The following ACYP2 variants were observed in gnomAD, a reference collection of about 807,000 sequenced individuals.
The protein encoded by ACYP2 is acylphosphatase-2.
ACYP2 carries 12 observed loss-of-function variants against 11.2 expected under a neutral mutation model. The ratio of observed to expected loss-of-function variants is 1.08; its 90% CI spans 0.69 to 1.74. ACYP2 has a LOEUF of 1.74. Ranked by LOEUF, ACYP2 falls within the 40% of genes most tolerant of loss-of-function variation. The pLI is 0.00. For missense variants in ACYP2, 134 were observed against 101.9 expected (o/e 1.31, Z -1.35); for synonymous variants, 43 against 32.2 (o/e 1.33, Z -1.13).
chr2:54,110,186 C>G (rs1679385498), intron 4 of ACYP2, among the ~76,000 whole-genome samples: 1 of 152,226 alleles, frequency 6.6e-6, no homozygotes, highest in Non-Finnish European at 1.5e-5. Flanking sequence ...GAATCCCCAT[C>G]TACCCAAGAC....
At chr2:54,271,449 A>T (rs2104081954) in intron 6 of ACYP2, among the ~76,000 whole-genome samples, 1 of 152,226 alleles carries the variant, frequency 6.6e-6, no homozygotes, top group South Asian at 2.1e-4. Context: ...ATATCCAACC[A>T]GTGACTCATG....
At chr2:53,991,889 G>T (rs373832071) in intron 2 of ACYP2, among the ~76,000 whole-genome samples, 68 of 152,070 alleles carry the variant, frequency 4.5e-4, no homozygotes, top group African/African-American at 1.6e-3. Context: ...GCAGACTCGA[G>T]CTCTTGGCCT....
At chr2:54,043,447 C>G (rs1026336197) in intron 2 of ACYP2, among the ~76,000 whole-genome samples, 1 of 152,156 alleles carries the variant, frequency 6.6e-6, no homozygotes, top group Non-Finnish European at 1.5e-5. Context: ...GGAACAGTTC[C>G]ATAGAACAAA....
intron 2 of ACYP2, among the ~76,000 whole-genome samples, chr2:54,047,429 G>T (rs999911277): frequency 1.3e-5 from 2 of 152,188 alleles, no homozygotes; most frequent in Non-Finnish European, 2.9e-5. Context: ...CTTCTGCTGC[G>T]TGGCCCTGTC....
At chr2:54,128,446 T>A (rs1379510961) in intron 4 of ACYP2, among the ~76,000 whole-genome samples, 2 of 152,130 alleles carry the variant, frequency 1.3e-5, no homozygotes, top group African/African-American at 4.8e-5. Flanking sequence ...GGCAGTTGGA[T>A]TGAGTGAAGC....
chr2:54,014,277 G>A (rs866452304), intron 2 of ACYP2, among the ~76,000 whole-genome samples: 2 of 152,054 alleles, frequency 1.3e-5, no homozygotes, highest in South Asian at 4.1e-4. Context: ...TGAAGATGAG[G>A]GTGGGGCTAG....
intron 4 of ACYP2, among the ~76,000 whole-genome samples, chr2:54,119,094 CATT>C (rs1319186459): frequency 1.0e-5 from 1 of 95,310 alleles, no homozygotes; most frequent in Non-Finnish European, 1.9e-5. Context: ...AACAGGGTCT[CATT>C]ATGTCACCCG....
chr2:54,159,397 A>G (rs868675914), intron 6 of ACYP2, among the ~76,000 whole-genome samples: 4 of 148,334 alleles, frequency 2.7e-5, no homozygotes, highest in Non-Finnish European at 4.5e-5. Flanking sequence ...TTAATGAGAC[A>G]GGGTCTGACT....
chr2:54,162,901 T>C (rs1682785399), intron 6 of ACYP2, among the ~76,000 whole-genome samples: 1 of 152,258 alleles, frequency 6.6e-6, no homozygotes, highest in South Asian at 2.1e-4. Flanking sequence ...GGTGGGAGGA[T>C]TGCTTGAGCC....
At chr2:54,151,958 A>G (rs1479246731) in intron 6 of ACYP2, among the ~76,000 whole-genome samples, 1 of 152,100 alleles carries the variant, frequency 6.6e-6, no homozygotes, top group Admixed American at 6.6e-5. Context: ...TGGAAACTAC[A>G]GAGAGTTTCC....
intron 6 of ACYP2, among the ~76,000 whole-genome samples, chr2:54,172,857 C>A (rs1683274579): frequency 1.3e-5 from 2 of 152,166 alleles, no homozygotes. Flanking sequence ...TCATCCATGT[C>A]CCCGCAGAGA....
At chr2:54,231,651 T>G (rs1219560558) in intron 6 of ACYP2, among the ~76,000 whole-genome samples, 1 of 152,212 alleles carries the variant, frequency 6.6e-6, no homozygotes, top group Non-Finnish European at 1.5e-5. Flanking sequence ...AAAACAAATA[T>G]ATATGAAGTT....
At chr2:53,991,632 C>G (rs769828825) in intron 2 of ACYP2, among the ~76,000 whole-genome samples, 1 of 151,844 alleles carries the variant, frequency 6.6e-6, no homozygotes, top group African/African-American at 2.4e-5. Flanking sequence ...GTCGAACTCC[C>G]GACCTCAGGT....
chr2:54,211,129 G>A (rs1457533273), intron 6 of ACYP2, among the ~76,000 whole-genome samples: 1 of 152,166 alleles, frequency 6.6e-6, no homozygotes, highest in Non-Finnish European at 1.5e-5. Context: ...TCATCTGAAA[G>A]ACGCAGACTA....
intron 2 of ACYP2, among the ~76,000 whole-genome samples, chr2:53,976,931 A>G (rs747437016): frequency 2.0e-5 from 3 of 152,230 alleles, no homozygotes; most frequent in Non-Finnish European, 2.9e-5. Context: ...TTCTTGAATC[A>G]AAAGATTCAT....
intron 2 of ACYP2, among the ~76,000 whole-genome samples, chr2:54,010,033 A>C (rs371143172): frequency 3.7e-4 from 57 of 152,274 alleles, no homozygotes; most frequent in African/African-American, 1.3e-3. Context: ...AACAAATACC[A>C]GGTTCAGTAG....
At chr2:53,979,611 G>C (rs1029002415) in intron 2 of ACYP2, among the ~76,000 whole-genome samples, 5 of 150,050 alleles carry the variant, frequency 3.3e-5, no homozygotes, top group African/African-American at 4.9e-5. Context: ...TGGCAACAGA[G>C]TGAGACTCTG....
intron 6 of ACYP2, among the ~76,000 whole-genome samples, chr2:54,182,680 T>C (rs536684145): frequency 6.6e-6 from 1 of 152,328 alleles, no homozygotes; most frequent in Non-Finnish European, 1.5e-5. Context: ...TGGACAGCCT[T>C]GTCTCTTGGG....
chr2:54,058,711 T>C (rs901030953), intron 4 of ACYP2, among the ~76,000 whole-genome samples: 1 of 77,062 alleles, frequency 1.3e-5, no homozygotes, highest in Non-Finnish European at 2.7e-5. Flanking sequence ...GGCTGATAAT[T>C]TTTTTTTTTT....
Sources: gnomAD v4.1 joint callset for allele counts (sites outside exome capture counted in the v4.1 genomes callset) on GRCh38, gnomAD v4.1.1 for gene constraint, MANE v1.5 for transcripts, NCBI Gene and HGNC (gene_info 2026-07-23, HGNC 2026-07-21) for gene names.